The following TRIM66 variants were observed in gnomAD, a reference collection of about 807,000 sequenced individuals.
The protein encoded by TRIM66 is tripartite motif-containing protein 66.
A neutral mutation model predicts 148.2 loss-of-function variants in TRIM66; 99 were observed. The ratio of observed to expected loss-of-function variants is 0.67; its 90% CI spans 0.57 to 0.79. The LOEUF (loss-of-function observed/expected upper bound fraction) is 0.79, where lower values mean the gene tolerates loss of function less well. Among genes scored for constraint, TRIM66 ranks in the 30% least tolerant of loss-of-function variants. The pLI, the probability that TRIM66 is intolerant of heterozygous loss-of-function variation, is 0.00. For synonymous variants in TRIM66, 616 were observed against 635.9 expected, an observed-to-expected ratio of 0.97 and a Z score of 0.47; for missense variants, 1,666 against 1,697.9, an observed-to-expected ratio of 0.98 and a Z score of 0.33.
In TRIM66 at chr11:8,617,136, C is replaced by G. The variant is rs2033772376; in HGVS notation, c.*808G>C. On this transcript the variant is annotated 3_prime_UTR_variant, in exon 25 of 25. Coordinates refer to ENST00000646038, the MANE Select transcript of TRIM66 (RefSeq NM_001388022.1). ...ACTTCTAGGAAGGCAGGTTCTCACC[C>G]TAAAGAAGTGTGATTAGCCCAGAGT... 1 of 152,216 alleles carries G rather than the reference C, an allele frequency of 6.6e-6. No homozygotes were observed. Among genetic ancestry groups the G allele is most frequent in the African/African-American group, 2.4e-5 (1 of 41,440 alleles). The allele number at this position is 152,216 out of a possible 1,614,324, so 9.4% of individuals were successfully genotyped here.
intron 15 of TRIM66, among the ~76,000 whole-genome samples, chr11:8,625,541 T>TAC (rs1333471317): frequency 1.3e-5 from 2 of 149,046 alleles, no homozygotes; most frequent in Admixed American, 6.7e-5. Flanking sequence ...CTGAGGCATG[T>TAC]ACACACACAC....
intron 6 of TRIM66, among the ~76,000 whole-genome samples, chr11:8,663,846 C>G (rs4272783): frequency 1.3e-5 from 2 of 151,846 alleles, no homozygotes; most frequent in African/African-American, 4.8e-5. Flanking sequence ...GTACTTACAG[C>G]ACATTGTAAG....
intron 15 of TRIM66, among the ~76,000 whole-genome samples, chr11:8,627,121 T>C (rs2034925925): frequency 1.3e-5 from 2 of 152,252 alleles, no homozygotes; most frequent in African/African-American, 4.8e-5. Context: ...TGATATCATT[T>C]GATTAATGTC....
At chr11:8,623,283 C>A (rs1796515877) in intron 17 of TRIM66, among the ~76,000 whole-genome samples, 1 of 152,206 alleles carries the variant, frequency 6.6e-6, no homozygotes, top group African/African-American at 2.4e-5. Flanking sequence ...GCTTGAGAAT[C>A]CAGCTCACAC....
rs569554882 is a variant in TRIM66, at chr11:8,621,917, G to T, written c.3081-98C>A. On this transcript the variant is annotated intron_variant, in intron 18 of 24. Coordinates refer to ENST00000646038, the MANE Select transcript of TRIM66 (RefSeq NM_001388022.1). ...CATGATCCCTGTGATGATTAATATT[G>T]AGTGTCAACTTGATTGGATTGAAGG... 2.2e-5 allele frequency: 27 copies of T among 1,208,026 alleles called. 1 individual carries two copies. In the South Asian group the frequency reaches 3.1e-4, roughly 14 times the overall value. 74.8% of individuals were successfully genotyped at this position (1,208,026 alleles called of 1,614,324 possible).
At chr11:8,624,276 T>C (rs1352202531) in intron 17 of TRIM66, 83 bp downstream of exon 17, 1 of 1,436,516 alleles carries the variant, frequency 7.0e-7, no homozygotes, top group African/African-American at 1.5e-5. Flanking sequence ...AGAGCTTGTC[T>C]GCTGGCCTCT....
At position 8,658,869 on chromosome 11, in the gene TRIM66, C is replaced by G. The variant is rs566213885; in HGVS notation, c.341-6966G>C. 5.9e-5 allele frequency: 54 copies of G among 914,044 alleles called. 1 individual carries two copies. The South Asian group carries it at 2.4e-3, about 41-fold the overall frequency. The allele number at this position is 914,044 out of a possible 1,614,324, so 56.6% of individuals were successfully genotyped here. A position where few individuals can be genotyped will look rare whatever the true frequency, so the allele number is the denominator to read the frequency against. On this transcript the variant is annotated intron_variant, in intron 6 of 24. Coordinates refer to ENST00000646038, the MANE Select transcript of TRIM66 (RefSeq NM_001388022.1). ...TACTCACCTGCTCCTGCCACTTCAC[C>G]TGAAGTCCTTATCCTGTGACGTCAC...
At position 8,624,884 on chromosome 11, in the gene TRIM66, C is replaced by T. The variant is rs1394956794; in HGVS notation, c.2655G>A (p.Met885Ile). 1.3e-6 allele frequency: 2 copies of T among 1,551,698 alleles called. No individual in the cohort carries two copies. The highest frequency in any genetic ancestry group is 2.4e-5 in the South Asian group (2 of 84,064). The change falls in exon 16 of 25, where the codon ATG (methionine) becomes ATA (isoleucine). Residue 885 changes from methionine (M) to isoleucine (I), a missense_variant. By Grantham distance (10) the Met-to-Ile change is conservative. This residue lies in a region of TRIM66 where 1,431 missense variants were observed against 1,412.4 expected (regional missense o/e 1.01). Transcript: ENST00000646038. Reference protein sequence around the residue: ...SDHPQAGPSLMSGHTQAVPSL... With the variant: ...SDHPQAGPSLISGHTQAVPSL... ...TCGGCACAGCCTGGGTGTGACCAGA[C>T]ATTAGGCTGGGCCCAGCCTGAGGGT...
chr11:8,671,933 C>G lies in TRIM66; in HGVS notation c.193G>C (p.Val65Leu), dbSNP rs541113692. The change falls in exon 6 of 25, where the codon GTA becomes CTA. Residue 65 changes from valine to leucine, a missense_variant. Val to Leu is a conservative substitution (Grantham distance 32, BLOSUM62 1). Coordinates refer to ENST00000646038, the MANE Select transcript of TRIM66 (RefSeq NM_001388022.1). ...TGATGGCACAATGAGCAGGTCATTA[C>G]CATGGCCTCCATCTGTCCACTCTTA... Reference protein sequence around the residue: ...CPKSGQMEAMVMTCSLCHQDL... With the variant: ...CPKSGQMEAMLMTCSLCHQDL... The G allele has an allele frequency of 6.5e-7, 1 of 1,536,154 alleles. No homozygotes were observed. Among genetic ancestry groups the G allele is most frequent in the African/African-American group, 1.4e-5 (1 of 73,182 alleles).
chr11:8,671,533 T>C (rs1302453974), intron 6 of TRIM66, among the ~76,000 whole-genome samples: 2 of 152,186 alleles, frequency 1.3e-5, no homozygotes, highest in East Asian at 3.8e-4. Context: ...AATCAAAACC[T>C]TTCCAGGCTT....
At position 8,659,419 on chromosome 11, in the gene TRIM66, C is replaced by G. The variant is rs2038091801; in HGVS notation, c.341-7516G>C. On this transcript the variant is annotated intron_variant, in intron 6 of 24. Coordinates refer to ENST00000646038, the MANE Select transcript of TRIM66 (RefSeq NM_001388022.1). ...CATTTCAAAGAGAACTGACAGGACACAAGCAAATTAGGATGTTGGGGCTAG... is the reference window on the plus strand; with the variant it reads ...CATTTCAAAGAGAACTGACAGGACAGAAGCAAATTAGGATGTTGGGGCTAG... 1.3e-5 allele frequency among the ~76,000 whole-genome samples: 2 copies of G among 152,108 alleles called. 1 individual carries two copies.
intron 6 of TRIM66, among the ~76,000 whole-genome samples, chr11:8,656,106 C>A (rs2037807532): frequency 6.6e-6 from 1 of 152,156 alleles, no homozygotes; most frequent in Non-Finnish European, 1.5e-5. Flanking sequence ...CTCACAAAGT[C>A]CCTAACCCCA....
intron 15 of TRIM66, among the ~76,000 whole-genome samples, chr11:8,635,091 C>A (rs2035761123): frequency 1.3e-5 from 2 of 152,288 alleles, no homozygotes; most frequent in Non-Finnish European, 2.9e-5. Flanking sequence ...AGGTAAGAGG[C>A]CAAATGGAGT....
rs547798542 is a variant in TRIM66 at position 8,619,743 on chromosome 11, A to T, written c.3748-208T>A. Among the ~76,000 whole-genome samples the T allele has an allele frequency of 3.3e-5, 5 of 152,336 alleles. No individual in the cohort carries two copies. The South Asian group carries it at 1.0e-3, about 32-fold the overall frequency. On this transcript the variant is annotated intron_variant, in intron 22 of 24. Transcript: ENST00000646038. ...AGGAATGTGTCACCTGTCAAGTAGG[A>T]TCTGATACAGTAGCAGTTGTGGTGG...
At position 8,679,912 on chromosome 11, in the gene TRIM66, T is replaced by C. The variant is rs988760283; in HGVS notation, c.-396A>G. On this transcript the variant is annotated 5_prime_UTR_variant, in exon 2 of 25. Transcript: ENST00000646038. ...CCCAGGCTCTGTACCTGACCACCTATGCAGCGTCTGACAAGTCACCCAATT... is the reference window on the plus strand; with the variant it reads ...CCCAGGCTCTGTACCTGACCACCTACGCAGCGTCTGACAAGTCACCCAATT... 17 of 152,326 alleles carry C rather than the reference T, an allele frequency of 1.1e-4. No homozygotes were observed. The highest frequency in any genetic ancestry group is 1.5e-5 in the Non-Finnish European group (1 of 68,116). 9.4% of individuals were successfully genotyped at this position (152,326 alleles called of 1,614,324 possible). A position where few individuals can be genotyped will look rare whatever the true frequency, so the allele number is the denominator to read the frequency against.
intron 6 of TRIM66, among the ~76,000 whole-genome samples, chr11:8,659,342 C>T (rs999834468): frequency 1.3e-5 from 2 of 151,938 alleles, no homozygotes; most frequent in Non-Finnish European, 2.9e-5. Context: ...GGTAGTTGAG[C>T]ATTAATGGGA....
At position 8,620,442 on chromosome 11, in the gene TRIM66, C is replaced by T. The variant is rs767289269; in HGVS notation, c.3672+4G>A. ...GAACCTTGTTTCCAAAGACTCCTCC[C>T]TACCTTCTGGTCATACATGCTTAGG... On this transcript the variant is annotated splice_donor_region_variant and intron_variant, in intron 21 of 24. Coordinates refer to ENST00000646038, the MANE Select transcript of TRIM66 (RefSeq NM_001388022.1). The T allele has an allele frequency of 3.2e-6, 5 of 1,551,720 alleles. No homozygotes were observed. Among genetic ancestry groups the T allele is most frequent in the Non-Finnish European group, 4.4e-6 (5 of 1,146,962 alleles).
intron 4 of TRIM66, among the ~76,000 whole-genome samples, chr11:8,673,557 A>G (rs1453662623): frequency 1.3e-5 from 2 of 152,208 alleles, no homozygotes; most frequent in African/African-American, 4.8e-5. Flanking sequence ...CTTGGAACAG[A>G]GAAAGGAAGT....
chr11:8,622,013 C>T (rs1025774250), intron 18 of TRIM66, among the ~76,000 whole-genome samples, 194 bp from the exon 19 acceptor site: 11 of 151,992 alleles, frequency 7.2e-5, no homozygotes, highest in Admixed American at 3.3e-4. Context: ...AGTCAGTGGG[C>T]TGCGAAAGGC....
Sources: gnomAD v4.1 joint callset for allele counts (sites outside exome capture counted in the v4.1 genomes callset) on GRCh38, gnomAD v4.1.1 for gene constraint, gnomAD v4.1.1 regional missense constraint, MANE v1.5 for transcripts, NCBI Gene and HGNC (gene_info 2026-07-23, HGNC 2026-07-21) for gene names.